The following CCR5AS variants were observed in gnomAD, a reference collection of about 807,000 sequenced individuals.
The protein encoded by CCR5AS is CCR5 antisense RNA.
At chr3:46,380,281 T>G (rs1701804366) in intron 2 of CCR5AS, among the ~76,000 whole-genome samples, 1 of 152,154 alleles carries the variant, frequency 6.6e-6, no homozygotes, top group South Asian at 2.1e-4. Flanking sequence ...GAACTTGCCC[T>G]GTAAAGAATG....
intron 2 of CCR5AS, among the ~76,000 whole-genome samples, chr3:46,379,827 G>A (rs937847114): frequency 6.6e-6 from 1 of 152,060 alleles, no homozygotes; most frequent in Non-Finnish European, 1.5e-5. Context: ...AACCTGGGAG[G>A]TGGAAGTTGC....
chr3:46,378,452 T>C (rs1436750206), intron 2 of CCR5AS, among the ~76,000 whole-genome samples: 1 of 152,214 alleles, frequency 6.6e-6, no homozygotes. Context: ...TATTTTTGTT[T>C]CTCTGGGTGG....
At chr3:46,401,207 A>G (rs1440501615) in intron 1 of CCR5AS, among the ~76,000 whole-genome samples, 3 of 152,228 alleles carry the variant, frequency 2.0e-5, no homozygotes, top group African/African-American at 7.2e-5. Flanking sequence ...TATGTGTTCC[A>G]AAAGGATTGG....
At chr3:46,399,769 CAGA>C (rs1190528240) in intron 1 of CCR5AS, among the ~76,000 whole-genome samples, 3 of 152,166 alleles carry the variant, frequency 2.0e-5, no homozygotes, top group South Asian at 2.1e-4. Context: ...CTGAGAAAAG[CAGA>C]AGATGAGATC....
At chr3:46,391,858 G>A (rs142827908) in intron 2 of CCR5AS, among the ~76,000 whole-genome samples, 5 of 152,214 alleles carry the variant, frequency 3.3e-5, no homozygotes, top group Admixed American at 6.5e-5. Context: ...AGATGGGTCC[G>A]TAGAAAAGGA....
chr3:46,400,571 T>C (rs1406895110), intron 1 of CCR5AS, among the ~76,000 whole-genome samples: 1 of 152,156 alleles, frequency 6.6e-6, no homozygotes. Context: ...AATTTTATTG[T>C]GAGAATTCAG....
chr3:46,370,158 T>C (rs1358107538), intron 3 of CCR5AS, among the ~76,000 whole-genome samples: 1 of 152,140 alleles, frequency 6.6e-6, no homozygotes, highest in Non-Finnish European at 1.5e-5. Context: ...ATAGATTATA[T>C]CTGGAGTGAA....
intron 2 of CCR5AS, among the ~76,000 whole-genome samples, chr3:46,385,683 ACTCT>A (rs553361797): frequency 2.6e-5 from 4 of 151,132 alleles, no homozygotes; most frequent in South Asian, 4.2e-4. Flanking sequence ...ACTGGGCGCA[ACTCT>A]CTCTCTCTTG....
chr3:46,387,130 A>G (rs951572221), intron 2 of CCR5AS, among the ~76,000 whole-genome samples: 1 of 152,214 alleles, frequency 6.6e-6, no homozygotes, highest in East Asian at 1.9e-4. Context: ...TGTGGTGGAC[A>G]CAAATGAAAG....
intron 2 of CCR5AS, among the ~76,000 whole-genome samples, chr3:46,385,801 C>T (rs973265429): frequency 4.0e-5 from 6 of 151,790 alleles, no homozygotes; most frequent in Non-Finnish European, 7.4e-5. Context: ...AGTGCAGTGG[C>T]GCAGTCTCAG....
At chr3:46,385,650 A>G (rs1372523039) in intron 2 of CCR5AS, among the ~76,000 whole-genome samples, 1 of 152,226 alleles carries the variant, frequency 6.6e-6, no homozygotes, top group Non-Finnish European at 1.5e-5. Context: ...AAAGAAACCC[A>G]TAATGTAGAA....
intron 2 of CCR5AS, among the ~76,000 whole-genome samples, chr3:46,381,206 A>G (rs1701813591): frequency 6.6e-6 from 1 of 152,210 alleles, no homozygotes; most frequent in African/African-American, 2.4e-5. Flanking sequence ...AGTCTCTTGT[A>G]TAGAAAAGGG....
chr3:46,395,593 C>T (rs757243492), intron 1 of CCR5AS, among the ~76,000 whole-genome samples: 1 of 152,192 alleles, frequency 6.6e-6, no homozygotes, highest in Non-Finnish European at 1.5e-5. Context: ...GTGATGCAAT[C>T]GGAATGCAGA....
intron 2 of CCR5AS, among the ~76,000 whole-genome samples, chr3:46,381,045 C>G (rs768553221): frequency 6.6e-6 from 1 of 152,114 alleles, no homozygotes; most frequent in Non-Finnish European, 1.5e-5. Flanking sequence ...ATTGGCAATA[C>G]CAAAGATCTG....
intron 2 of CCR5AS, chr3:46,373,124 C>T (rs775644923): frequency 1.2e-5 from 19 of 1,614,186 alleles, no homozygotes; most frequent in Non-Finnish European, 1.6e-5. Flanking sequence ...ACCTGGCCAT[C>T]TCTGACCTGT....
chr3:46,384,175 G>T (rs1047289041), intron 2 of CCR5AS, among the ~76,000 whole-genome samples: 2 of 152,246 alleles, frequency 1.3e-5, no homozygotes, highest in African/African-American at 4.8e-5. Context: ...AGACGAGCTT[G>T]AGGAAGTGGT....
chr3:46,395,967 C>A (rs1343392548), intron 1 of CCR5AS, among the ~76,000 whole-genome samples: 1 of 152,142 alleles, frequency 6.6e-6, no homozygotes, highest in Non-Finnish European at 1.5e-5. Flanking sequence ...AAGGAAGAGG[C>A]TCTGGAGCCT....
At chr3:46,387,472 A>G (rs1305653331) in intron 2 of CCR5AS, among the ~76,000 whole-genome samples, 1 of 152,188 alleles carries the variant, frequency 6.6e-6, no homozygotes, top group Non-Finnish European at 1.5e-5. Flanking sequence ...CTTTTCCCAC[A>G]TTCTCAGAAT....
chr3:46,387,458 C>T (rs1256568809), intron 2 of CCR5AS, among the ~76,000 whole-genome samples: 1 of 152,172 alleles, frequency 6.6e-6, no homozygotes, highest in Non-Finnish European at 1.5e-5. Flanking sequence ...ACACAAAGTC[C>T]CCACTTTTCC....
Sources: allele counts gnomAD v4.1 joint callset (sites outside exome capture counted in the v4.1 genomes callset), GRCh38; gene constraint gnomAD v4.1.1; transcripts MANE v1.5; gene names NCBI Gene and HGNC (gene_info 2026-07-23, HGNC 2026-07-21).